SLC6A6: variants seen among roughly 807,000 people sequenced by gnomAD.
The protein encoded by SLC6A6 is solute carrier family 6 member 6.
In SLC6A6, 16 loss-of-function variants were observed where a neutral mutation model predicts 68.8. The observed-to-expected ratio is 0.23, with a 90% CI of 0.16 to 0.35. The LOEUF is 0.35. SLC6A6 is among the 10% of genes least tolerant of loss of function. The pLI is 1.00. For missense variants in SLC6A6, 474 were observed against 802.8 expected, an observed-to-expected ratio of 0.59 and a Z score of 4.95; for synonymous variants, 312 against 315.4, an observed-to-expected ratio of 0.99 and a Z score of 0.12.
chr3:14,470,926 T>C (rs369617555), intron 9 of SLC6A6, among the ~76,000 whole-genome samples: 113 of 152,312 alleles, frequency 7.4e-4, no homozygotes, highest in Middle Eastern at 3.4e-3. Flanking sequence ...AGGATATATT[T>C]TGGTCAGGTT....
Position 14,444,915 on chromosome 3 carries a change from C to G in SLC6A6, c.230-802C>G, listed in dbSNP as rs1375947828. On this transcript the variant is annotated intron_variant, in intron 3 of 14. Coordinates refer to ENST00000622186, the MANE Select transcript of SLC6A6 (RefSeq NM_003043.6). ...TTGCCCCCCCATTCTTCCCCTTGGTCCCGCCCCCACCGGAGATGCCTACCC... is the reference window on the plus strand; with the variant it reads ...TTGCCCCCCCATTCTTCCCCTTGGTGCCGCCCCCACCGGAGATGCCTACCC... 1.1e-5 allele frequency: 5 copies of G among 448,324 alleles called. No individual in the cohort carries two copies. The East Asian group carries it at 3.5e-4, about 32-fold the overall frequency. The allele number at this position is 448,324 out of a possible 1,614,324, so 27.8% of individuals were successfully genotyped here.
chr3:14,457,883 G>C, intron 5 of SLC6A6, 67 bp from the exon 6 acceptor site: 2 of 1,554,584 alleles, frequency 1.3e-6, no homozygotes, highest in East Asian at 2.2e-5. Context: ...GTTAATGTCC[G>C]AGCCTTGGCT....
intron 6 of SLC6A6, among the ~76,000 whole-genome samples, chr3:14,458,456 A>G (rs559768249): frequency 6.6e-6 from 1 of 152,362 alleles, no homozygotes; most frequent in East Asian, 1.9e-4. Flanking sequence ...TTGGGCTTCT[A>G]ATAAATAGGT....
chr3:14,428,837 G>C (rs959121680), intron 2 of SLC6A6, among the ~76,000 whole-genome samples: 1 of 152,190 alleles, frequency 6.6e-6, no homozygotes, highest in Non-Finnish European at 1.5e-5. Flanking sequence ...TGTTTCTGCT[G>C]TTGGGGAAGT....
chr3:14,459,645 G>A (rs9833294), intron 6 of SLC6A6, among the ~76,000 whole-genome samples: 65,017 of 151,886 alleles, frequency 0.43, 14,271 homozygotes, highest in African/African-American at 0.51. Flanking sequence ...TCCTTGGAGA[G>A]CACCTTCACT....
chr3:14,470,474 CTT>C (rs1376061542), intron 9 of SLC6A6, among the ~76,000 whole-genome samples: 1 of 151,702 alleles, frequency 6.6e-6, no homozygotes, highest in Non-Finnish European at 1.5e-5. Context: ...ACTTCTCTCT[CTT>C]GAGTTCACCA....
intron 2 of SLC6A6, among the ~76,000 whole-genome samples, chr3:14,430,703 T>C (rs1246603613): frequency 6.6e-6 from 1 of 152,192 alleles, no homozygotes; most frequent in Non-Finnish European, 1.5e-5. Flanking sequence ...CCTCCCAAGT[T>C]TGGAAGAAGA....
intron 3 of SLC6A6, chr3:14,444,077 CT>C: frequency 1.8e-6 from 1 of 544,230 alleles, no homozygotes; most frequent in South Asian, 2.2e-5. Flanking sequence ...TCTGCAGGGC[CT>C]TTCTGTGTTA....
rs371221642 is a variant in SLC6A6, at chr3:14,442,746, G to A, written c.-11-878G>A. 3.7e-4 allele frequency among the ~76,000 whole-genome samples: 56 copies of A among 152,316 alleles called. 2 individuals carry two copies. In the East Asian group the frequency reaches 8.3e-3, roughly 23 times the overall value. Reference sequence around the variant, plus strand: ...AGGGTAACCATGAACAGCTCCGGGGGCTTAGAGATTTGACCTTCTCTGGGG... The same window carrying A: ...AGGGTAACCATGAACAGCTCCGGGGACTTAGAGATTTGACCTTCTCTGGGG... On this transcript the variant is annotated intron_variant, in intron 2 of 14. Transcript: ENST00000622186.
chr3:14,408,281 G>A (rs1270327253), intron 1 of SLC6A6, among the ~76,000 whole-genome samples: 1 of 151,788 alleles, frequency 6.6e-6, no homozygotes, highest in Non-Finnish European at 1.5e-5. Context: ...TTATAAAAAA[G>A]TACAATCTGA....
At chr3:14,484,692 C>A (rs545580344) in intron 14 of SLC6A6, among the ~76,000 whole-genome samples, 175 bp from the exon 15 acceptor site, 2 of 152,308 alleles carry the variant, frequency 1.3e-5, no homozygotes, top group South Asian at 4.1e-4. Context: ...CTTAGGAGCG[C>A]CTTAGTTCAA....
chr3:14,440,313 G>T (rs1699952439), intron 2 of SLC6A6, among the ~76,000 whole-genome samples: 1 of 152,080 alleles, frequency 6.6e-6, no homozygotes, highest in South Asian at 2.1e-4. Context: ...AGGGTGCCTG[G>T]GGCAGCTGGC....
In SLC6A6 at chr3:14,448,330, C is replaced by T. The variant is rs60521357; in HGVS notation, c.599+514C>T. The T allele has an allele frequency of 8.9e-3, 1,516 of 169,526 alleles. 25 individuals carry two copies. Among genetic ancestry groups the T allele is most frequent in the African/African-American group, 0.034 (1,432 of 41,658 alleles). 10.5% of individuals were successfully genotyped at this position (169,526 alleles called of 1,614,324 possible). A position where few individuals can be genotyped will look rare whatever the true frequency, so the allele number is the denominator to read the frequency against. On this transcript the variant is annotated intron_variant, in intron 5 of 14. Transcript: ENST00000622186. Reference sequence around the variant, plus strand: ...ACAATTTATTTAGCTCTTGATTGTTCTGCTTGTTGGCAGTTTGGGCTGAGC... The same window carrying T: ...ACAATTTATTTAGCTCTTGATTGTTTTGCTTGTTGGCAGTTTGGGCTGAGC...
intron 11 of SLC6A6, 143 bp from the exon 12 acceptor site, chr3:14,478,323 T>C: frequency 1.5e-6 from 1 of 656,082 alleles, no homozygotes; most frequent in South Asian, 1.8e-5. Context: ...AGCATCTTTT[T>C]GTATATTTAT....
chr3:14,433,607 G>T (rs1358491016), intron 2 of SLC6A6, among the ~76,000 whole-genome samples: 1 of 152,016 alleles, frequency 6.6e-6, no homozygotes, highest in Non-Finnish European at 1.5e-5. Context: ...TTTGAGACTA[G>T]CCTGGCCAAC....
chr3:14,464,305 G>A (rs185137722), intron 6 of SLC6A6, among the ~76,000 whole-genome samples: 2 of 152,172 alleles, frequency 1.3e-5, no homozygotes, highest in African/African-American at 2.4e-5. Flanking sequence ...GTGGGCTGTG[G>A]GGCAGGTCCC....
intron 2 of SLC6A6, among the ~76,000 whole-genome samples, chr3:14,418,621 C>T (rs777137955): frequency 3.3e-5 from 5 of 152,166 alleles, no homozygotes; most frequent in Non-Finnish European, 7.3e-5. Context: ...CATATACTGC[C>T]GAGAGGTTTA....
At chr3:14,405,870 A>G (rs1699096189) in intron 1 of SLC6A6, among the ~76,000 whole-genome samples, 1 of 152,148 alleles carries the variant, frequency 6.6e-6, no homozygotes, top group South Asian at 2.1e-4. Flanking sequence ...CAGAGGTAGA[A>G]GCATGTGGTA....
intron 9 of SLC6A6, among the ~76,000 whole-genome samples, chr3:14,470,607 G>GGGGGTTT: frequency 6.6e-6 from 1 of 152,326 alleles, no homozygotes; most frequent in East Asian, 1.9e-4. Context: ...GTTGGGGGTT[G>GGGGGTTT]TGGGGGCCCA....
Sources: gnomAD v4.1 joint callset for allele counts (sites outside exome capture counted in the v4.1 genomes callset) on GRCh38, gnomAD v4.1.1 for gene constraint, MANE v1.5 for transcripts, NCBI Gene and HGNC (gene_info 2026-07-23, HGNC 2026-07-21) for gene names.